Variants in FBXL5 observed in about 807,000 individuals in gnomAD.
The protein encoded by FBXL5 is F-box/LRR-repeat protein 5.
FBXL5 carries 26 observed loss-of-function variants against 78.3 expected under a neutral mutation model. The ratio of observed to expected loss-of-function variants is 0.33; its 90% CI spans 0.24 to 0.46. The LOEUF (loss-of-function observed/expected upper bound fraction) is 0.46, where lower values mean the gene tolerates loss of function less well. Among genes scored for constraint, FBXL5 ranks in the 20% least tolerant of loss-of-function variants. The pLI is 1.00. For synonymous variants in FBXL5, 295 were observed against 282.5 expected, an observed-to-expected ratio of 1.04 and a Z score of -0.45; for missense variants, 710 against 829.2, an observed-to-expected ratio of 0.86 and a Z score of 1.77.
intron 10 of FBXL5, among the ~76,000 whole-genome samples, chr4:15,611,757 A>G (rs1722284327): frequency 6.6e-6 from 1 of 152,062 alleles, no homozygotes; most frequent in Admixed American, 6.5e-5. Context: ...TCAATACTAC[A>G]TACTGTCCTC....
At chr4:15,643,568 G>A (rs890277819) in intron 2 of FBXL5, among the ~76,000 whole-genome samples, 4 of 88,546 alleles carry the variant, frequency 4.5e-5, no homozygotes, top group Middle Eastern at 5.0e-3. Context: ...ACTATGTCTG[G>A]CTAAATTTTT....
intron 10 of FBXL5, among the ~76,000 whole-genome samples, chr4:15,606,396 T>C (rs941441133): frequency 6.6e-6 from 1 of 152,080 alleles, no homozygotes; most frequent in African/African-American, 2.4e-5. Context: ...ACTGTAGCCA[T>C]AGTAAAAATT....
At chr4:15,622,131 C>G (rs1712548676) in intron 9 of FBXL5, among the ~76,000 whole-genome samples, 1 of 152,204 alleles carries the variant, frequency 6.6e-6, no homozygotes, top group Non-Finnish European at 1.5e-5. Flanking sequence ...TCACACCCAG[C>G]CTCAATGCTC....
intron 3 of FBXL5, among the ~76,000 whole-genome samples, chr4:15,640,475 A>G (rs1157881848): frequency 6.6e-6 from 1 of 151,804 alleles, no homozygotes; most frequent in Non-Finnish European, 1.5e-5. Flanking sequence ...AGAATCCTCT[A>G]AAGGTTCTGA....
intron 8 of FBXL5, 134 bp from the exon 9 acceptor site, chr4:15,626,111 T>G: frequency 1.2e-6 from 1 of 842,744 alleles, no homozygotes; most frequent in Non-Finnish European, 1.8e-6. Context: ...GTGAATTATC[T>G]ATTGTTAAGG....
intron 10 of FBXL5, among the ~76,000 whole-genome samples, chr4:15,611,624 T>A (rs768344176): frequency 6.6e-6 from 1 of 152,096 alleles, no homozygotes; most frequent in Non-Finnish European, 1.5e-5. Context: ...CACTGTAGGG[T>A]AGAATATGTT....
chr4:15,660,918 A>T (rs1194534097), upstream of FBXL5, among the ~76,000 whole-genome samples: 2 of 152,080 alleles, frequency 1.3e-5, no homozygotes, highest in African/African-American at 4.8e-5. Flanking sequence ...CTCTACTAAA[A>T]ATACAAAAAT....
chr4:15,638,032 T>C (rs1714463944), intron 4 of FBXL5, among the ~76,000 whole-genome samples: 1 of 151,498 alleles, frequency 6.6e-6, no homozygotes. Flanking sequence ...GAAAAAATAA[T>C]ACATAGGAAA....
chr4:15,610,855 G>T (rs1577418692), intron 10 of FBXL5, among the ~76,000 whole-genome samples: 1 of 151,944 alleles, frequency 6.6e-6, no homozygotes, highest in East Asian at 1.9e-4. Flanking sequence ...AAAAACAATT[G>T]CTTATTAATT....
chr4:15,638,486 TC>T, intron 4 of FBXL5, 21 bp downstream of exon 4: 9 of 1,525,104 alleles, frequency 5.9e-6, no homozygotes, highest in Non-Finnish European at 7.0e-6. Flanking sequence ...AATAAATTGT[TC>T]TTTATATATA....
At chr4:15,611,607 A>G (rs1013658043) in intron 10 of FBXL5, among the ~76,000 whole-genome samples, 1 of 152,174 alleles carries the variant, frequency 6.6e-6, no homozygotes, top group Non-Finnish European at 1.5e-5. Flanking sequence ...AGCATGTTCA[A>G]TAAGACCACT....
Position 15,679,577 on chromosome 4 carries a change from AC to A in FBXL5, c.-284+1805del, listed in dbSNP as rs370573139. Among the ~76,000 whole-genome samples the A allele has an allele frequency of 3.1e-3, 466 of 150,494 alleles. 2 individuals are homozygous for A. Among genetic ancestry groups the A allele is most frequent in the Admixed American group, 6.4e-3 (96 of 15,048 alleles). Reference sequence around the variant, plus strand: ...AGTTCAGGAACAAAAAAAAAAAAAAACAAAAAAACAAAAAACCAACACCCAA... The same window carrying A: ...AGTTCAGGAACAAAAAAAAAAAAAAAAAAAAAACAAAAAACCAACACCCAA... On this transcript the variant is annotated intron_variant, in intron 1 of 4. Transcript: ENST00000507899.
At chr4:15,656,217 A>G (rs1404559742), upstream of FBXL5, 2 of 456,148 alleles carry the variant, frequency 4.4e-6, no homozygotes, top group Non-Finnish European at 4.4e-6. Context: ...GAGAGAAAAC[A>G]AGGTCACTAA....
intron 6 of FBXL5, among the ~76,000 whole-genome samples, chr4:15,630,163 G>C (rs1020058232): frequency 2.0e-5 from 3 of 152,106 alleles, no homozygotes; most frequent in African/African-American, 7.2e-5. Context: ...TTAATGAATG[G>C]CTACATTAGT....
upstream of FBXL5, among the ~76,000 whole-genome samples, chr4:15,661,825 C>T (rs35461787): frequency 0.12 from 18,107 of 152,222 alleles, 1,225 homozygotes; most frequent in Non-Finnish European, 0.15. Flanking sequence ...AGATTGGCAG[C>T]TAAAGCTGCG....
chr4:15,654,068 C>T (rs1716497303), intron 1 of FBXL5, among the ~76,000 whole-genome samples: 5 of 152,186 alleles, frequency 3.3e-5, no homozygotes, highest in Admixed American at 3.3e-4. Flanking sequence ...AACGTCACTG[C>T]TTTAAATTGC....
intron 9 of FBXL5, among the ~76,000 whole-genome samples, chr4:15,618,912 G>C (rs1049713982): frequency 6.6e-6 from 1 of 152,202 alleles, no homozygotes; most frequent in Non-Finnish European, 1.5e-5. Context: ...GCTCATGCCT[G>C]TAATCCCAGC....
At chr4:15,672,946 A>C (rs1380712342) in intron 1 of FBXL5, among the ~76,000 whole-genome samples, 1 of 152,124 alleles carries the variant, frequency 6.6e-6, no homozygotes, top group African/African-American at 2.4e-5. Flanking sequence ...ATTAGCCTAG[A>C]CTTACACAGG....
chr4:15,669,700 A>T (rs1205135609), intron 1 of FBXL5, among the ~76,000 whole-genome samples: 1 of 152,212 alleles, frequency 6.6e-6, no homozygotes, highest in African/African-American at 2.4e-5. Flanking sequence ...ACACTATGAA[A>T]AGTTATTTTT....
Sources: allele counts gnomAD v4.1 joint callset (sites outside exome capture counted in the v4.1 genomes callset), GRCh38; gene constraint gnomAD v4.1.1; transcripts MANE v1.5; gene names NCBI Gene and HGNC (gene_info 2026-07-23, HGNC 2026-07-21).